TRIM66: variants seen among roughly 807,000 people sequenced by gnomAD.
TRIM66 encodes tripartite motif-containing protein 66.
Under a neutral mutation model 148.2 loss-of-function variants are expected in TRIM66, and 99 were observed. The ratio of observed to expected loss-of-function variants is 0.67; its 90% CI spans 0.57 to 0.79. The LOEUF (loss-of-function observed/expected upper bound fraction) is 0.79, where lower values mean the gene tolerates loss of function less well. TRIM66 is among the 30% of genes least tolerant of loss of function. The probability of loss-of-function intolerance (pLI) is 0.00; values close to 1 mark genes in which losing one functional copy is unlikely to be tolerated. For synonymous variants in TRIM66, 616 were observed against 635.9 expected (o/e 0.97, Z 0.47); for missense variants, 1,666 against 1,697.9 (o/e 0.98, Z 0.33).
rs1243020182 is a variant in TRIM66, at chr11:8,621,149, A to G, written c.3428T>C (p.Ile1143Thr). The G allele has an allele frequency of 2.6e-6, 4 of 1,551,642 alleles. No homozygotes were observed. The highest frequency in any genetic ancestry group is 2.4e-5 in the East Asian group (1 of 40,924). Reference sequence around the variant, plus strand: ...AACAGCACAGAAGTCCTCATTCTCTATTGGGGCTGGGGGGCCCTTCTTGGC... The same window carrying G: ...AACAGCACAGAAGTCCTCATTCTCTGTTGGGGCTGGGGGGCCCTTCTTGGC... ...PGAKKGPPAP[I>T]ENEDFCAVCL... Residue 1143 changes from isoleucine (I) to threonine (T), a missense_variant, in exon 20 of 25, where the codon ATA becomes ACA. Coordinates refer to ENST00000646038, the MANE Select transcript of TRIM66 (RefSeq NM_001388022.1).
At chr11:8,628,174 T>A (rs2035034048) in intron 15 of TRIM66, among the ~76,000 whole-genome samples, 2 of 152,076 alleles carry the variant, frequency 1.3e-5, no homozygotes, top group South Asian at 4.2e-4. Flanking sequence ...TTGTTTTTCT[T>A]GCCTCACTCC....
At chr11:8,657,428 A>G (rs1274374988) in intron 6 of TRIM66, among the ~76,000 whole-genome samples, 1 of 152,152 alleles carries the variant, frequency 6.6e-6, no homozygotes, top group African/African-American at 2.4e-5. Flanking sequence ...CTGTTCATCC[A>G]GCCAATTCCC....
At chr11:8,667,680 C>G (rs2038686068) in intron 6 of TRIM66, among the ~76,000 whole-genome samples, 1 of 152,344 alleles carries the variant, frequency 6.6e-6, no homozygotes, top group South Asian at 2.1e-4. Flanking sequence ...CCTGTTATGA[C>G]AGGCTTACCT....
rs564167803 is a variant in TRIM66 at position 8,647,896 on chromosome 11, C to T, written c.842+74G>A. The T allele has an allele frequency of 6.2e-4, 720 of 1,161,182 alleles. 1 individual carries two copies. The highest frequency in any genetic ancestry group is 8.3e-4 in the Non-Finnish European group (657 of 794,038). 71.9% of individuals were successfully genotyped at this position (1,161,182 alleles called of 1,614,324 possible). A position where few individuals can be genotyped will look rare whatever the true frequency, so the allele number is the denominator to read the frequency against. On this transcript the variant is annotated intron_variant, in intron 10 of 24. Transcript: ENST00000646038. ...TCCTCTTCACAGGCACTACATCTGACGGCCTGGTGTTGGAACCCTGGGTGT... is the reference window on the plus strand; with the variant it reads ...TCCTCTTCACAGGCACTACATCTGATGGCCTGGTGTTGGAACCCTGGGTGT...
chr11:8,657,475 G>T (rs1207942286), intron 6 of TRIM66, among the ~76,000 whole-genome samples: 1 of 151,966 alleles, frequency 6.6e-6, no homozygotes, highest in East Asian at 1.9e-4. Context: ...CCTGGGACAG[G>T]GAGGAGCTTA....
chr11:8,672,339 A>G lies in TRIM66; in HGVS notation c.-65T>C, dbSNP rs1592209042. 9 of 1,535,786 alleles carry G rather than the reference A, an allele frequency of 5.9e-6. No homozygotes were observed. Among genetic ancestry groups the G allele is most frequent in the Admixed American group, 2.0e-5 (1 of 50,926 alleles). On this transcript the variant is annotated 5_prime_UTR_variant, in exon 5 of 25. Transcript: ENST00000646038. Reference sequence around the variant, plus strand: ...TGTCTGAAGGCGAACAAACCCTTCAAAAGTGTCCCGTACCTGTGCCTCTCC... The same window carrying G: ...TGTCTGAAGGCGAACAAACCCTTCAGAAGTGTCCCGTACCTGTGCCTCTCC...
chr11:8,621,372 T>G, intron 19 of TRIM66, 51 bp from the exon 20 acceptor site: 17 of 1,508,342 alleles, frequency 1.1e-5, no homozygotes, highest in Non-Finnish European at 1.4e-5. Flanking sequence ...CAACAAGCTC[T>G]CGAGGGAGGG....
In TRIM66 at chr11:8,672,040, G is replaced by T; in HGVS notation, c.86C>A (p.Ala29Asp). The change falls in exon 6 of 25, where the codon GCC (alanine) becomes GAC (aspartate). Residue 29 changes from alanine to aspartate, a missense_variant. Ala to Asp is a moderately radical substitution (Grantham distance 126, BLOSUM62 -2). Coordinates refer to ENST00000646038, the MANE Select transcript of TRIM66 (RefSeq NM_001388022.1). The stretch of plus-strand genomic sequence containing the variant: ...AGCCATGCCTGTGCCCAGGACTGGG[G>T]CTTTTCCACTGATATCCTCAGGTGA... ...CFSPEDISGK[A>D]PVLGTGMAVD... 6.5e-7 allele frequency: 1 copy of T among 1,535,820 alleles called. No homozygotes were observed. The highest frequency in any genetic ancestry group is 8.7e-7 in the Non-Finnish European group (1 of 1,146,904).
rs1278629732 is a variant in TRIM66, at chr11:8,613,135, C to G, written c.*4809G>C. 1 of 152,176 alleles carries G rather than the reference C, an allele frequency of 6.6e-6. No individual in the cohort carries two copies. The highest frequency in any genetic ancestry group is 3.1e-3 in the Middle Eastern group (1 of 318). 9.4% of individuals were successfully genotyped at this position (152,176 alleles called of 1,614,324 possible). A position where few individuals can be genotyped will look rare whatever the true frequency, so the allele number is the denominator to read the frequency against. On this transcript the variant is annotated 3_prime_UTR_variant, in exon 25 of 25. Transcript: ENST00000646038. ...GAAATAGAGAGACAGACAGAGGAAGCAGGAGCAGCTGTGATTCTTCCTCCC... is the reference window on the plus strand; with the variant it reads ...GAAATAGAGAGACAGACAGAGGAAGGAGGAGCAGCTGTGATTCTTCCTCCC...
intron 12 of TRIM66, among the ~76,000 whole-genome samples, chr11:8,644,959 G>A (rs2036719481): frequency 6.6e-6 from 1 of 152,214 alleles, no homozygotes; most frequent in South Asian, 2.1e-4. Context: ...ACCACACTCT[G>A]TTTTGCTTCT....
chr11:8,634,627 G>T (rs2035718025), intron 15 of TRIM66, among the ~76,000 whole-genome samples: 1 of 152,214 alleles, frequency 6.6e-6, no homozygotes, highest in Admixed American at 6.5e-5. Context: ...GCTGAATCAA[G>T]ATTAGGAAGC....
chr11:8,673,997 C>G (rs2039065635), intron 4 of TRIM66, among the ~76,000 whole-genome samples: 1 of 152,216 alleles, frequency 6.6e-6, no homozygotes, highest in Admixed American at 6.5e-5. Flanking sequence ...TATAGATAGA[C>G]CTGCACTTCT....
At chr11:8,661,738 G>A (rs2038270768) in intron 6 of TRIM66, among the ~76,000 whole-genome samples, 1 of 152,138 alleles carries the variant, frequency 6.6e-6, no homozygotes, top group Non-Finnish European at 1.5e-5. Flanking sequence ...TATGCAGGAG[G>A]GATTGGAGAT....
At position 8,621,312 on chromosome 11, in the gene TRIM66, C is replaced by A. The variant is rs2034191188; in HGVS notation, c.3265G>T (p.Asp1089Tyr). Residue 1089 changes from aspartate (D) to tyrosine (Y), a missense_variant, in exon 20 of 25, where the codon GAC becomes TAC. Around this residue, in one of 3 missense-constraint regions of TRIM66, gnomAD observed 1,431 missense variants for 1,412.4 expected, o/e 1.01. Transcript: ENST00000646038. ...SSSMSIKVSQ[D>Y]RLSEATQAPG... ...GCCTGGGTGGCCTCAGACAGTCTGT[C>A]CTGGCTGACCTTGGGGAAGAAGTAA... 1.9e-6 allele frequency: 3 copies of A among 1,549,586 alleles called. No individual in the cohort carries two copies. The East Asian group carries it at 7.3e-5, about 38-fold the overall frequency.
Position 8,615,475 on chromosome 11 carries a change from A to T in TRIM66, c.*2469T>A, listed in dbSNP as rs1396170910. On this transcript the variant is annotated 3_prime_UTR_variant, in exon 25 of 25. Coordinates refer to ENST00000646038, the MANE Select transcript of TRIM66 (RefSeq NM_001388022.1). The stretch of plus-strand genomic sequence containing the variant: ...ATGGGAATAAGTCAAAAGCAGGATC[A>T]GCCCAAATGTTAATGAAGAGCCTCT... 1 of 152,090 alleles carries T rather than the reference A, an allele frequency of 6.6e-6. No individual in the cohort carries two copies. Among genetic ancestry groups the T allele is most frequent in the African/African-American group, 2.4e-5 (1 of 41,420 alleles). The allele number at this position is 152,090 out of a possible 1,614,324, so 9.4% of individuals were successfully genotyped here. A position where few individuals can be genotyped will look rare whatever the true frequency, so the allele number is the denominator to read the frequency against.
rs370417914 is a variant in TRIM66 at position 8,626,007 on chromosome 11, G to A, written c.2311-779C>T. Among the ~76,000 whole-genome samples, 14 of 152,262 alleles carry A rather than the reference G, an allele frequency of 9.2e-5. No individual in the cohort carries two copies. The East Asian group carries it at 2.1e-3, about 23-fold the overall frequency. On this transcript the variant is annotated intron_variant, in intron 15 of 24. Transcript: ENST00000646038. The stretch of plus-strand genomic sequence containing the variant: ...GCTAAATCTTAATATCACCCAATCC[G>A]TACAATCATTGGATAAGGCAGTAAT...
intron 6 of TRIM66, among the ~76,000 whole-genome samples, chr11:8,670,584 A>G (rs1466781395): frequency 6.6e-6 from 1 of 152,246 alleles, no homozygotes; most frequent in Non-Finnish European, 1.5e-5. Context: ...ACTTACAAAG[A>G]AAATAAATTA....
chr11:8,629,472 A>G (rs2035187042), intron 15 of TRIM66, among the ~76,000 whole-genome samples: 1 of 152,248 alleles, frequency 6.6e-6, no homozygotes, highest in African/African-American at 2.4e-5. Flanking sequence ...CACCCAAATA[A>G]TAATGGTCAG....
At position 8,640,997 on chromosome 11, in the gene TRIM66, C is replaced by T. The variant is rs1303608900; in HGVS notation, c.1378G>A (p.Val460Met). 2 of 1,551,518 alleles carry T rather than the reference C, an allele frequency of 1.3e-6. No homozygotes were observed. Among genetic ancestry groups the T allele is most frequent in the Admixed American group, 3.9e-5 (2 of 51,010 alleles). ...GAGCAGCACACAGATGAGGAGCACA[C>T]TGCTGGAGACTGGAACTTGTGTGAG... The part of the protein sequence containing the change: ...HPSHKFQSPA[V>M]CSSSVCCSHC... The change falls in exon 14 of 25, where the codon GTG (valine) becomes ATG (methionine). Residue 460 changes from valine to methionine, a missense_variant. Around this residue, in one of 3 missense-constraint regions of TRIM66, gnomAD observed 1,431 missense variants for 1,412.4 expected, o/e 1.01. Transcript: ENST00000646038.
Sources: allele counts gnomAD v4.1 joint callset (sites outside exome capture counted in the v4.1 genomes callset), GRCh38; gene constraint gnomAD v4.1.1; regional missense constraint gnomAD v4.1.1; transcripts MANE v1.5; gene names NCBI Gene and HGNC (gene_info 2026-07-23, HGNC 2026-07-21).